The following PDE10A variants were observed in gnomAD, a reference collection of about 807,000 sequenced individuals.
PDE10A encodes cAMP and cAMP-inhibited cGMP 3',5'-cyclic phosphodiesterase 10A.
Under a neutral mutation model 97.7 loss-of-function variants are expected in PDE10A, and 39 were observed. The observed-to-expected ratio is 0.40, with a 90% confidence interval of 0.31 to 0.52. The LOEUF is 0.52. Among genes scored for constraint, PDE10A ranks in the 20% least tolerant of loss-of-function variants. PDE10A has a pLI of 0.56. For synonymous variants in PDE10A, 371 were observed against 376.8 expected (o/e 0.98, Z 0.18); for missense variants, 731 against 1,047.8 (o/e 0.70, Z 4.17).
intron 2 of PDE10A, among the ~76,000 whole-genome samples, chr6:165,497,142 AG>A (rs1185827416): frequency 6.6e-6 from 1 of 152,240 alleles, no homozygotes; most frequent in East Asian, 1.9e-4. Context: ...ATCAAAAAAA[AG>A]GAAAATCAAT....
chr6:165,782,888 T>A (rs1583081416), intron 1 of PDE10A, among the ~76,000 whole-genome samples: 1 of 152,322 alleles, frequency 6.6e-6, no homozygotes, highest in East Asian at 1.9e-4. Flanking sequence ...TGTGATTTTT[T>A]AAATGCTGCT....
intron 3 of PDE10A, among the ~76,000 whole-genome samples, chr6:165,463,750 A>G (rs1179199299): frequency 6.6e-6 from 1 of 152,226 alleles, no homozygotes; most frequent in African/African-American, 2.4e-5. Flanking sequence ...GCACTGTGAC[A>G]TGTTCATGGC....
At chr6:165,891,897 A>G (rs1180126054) in intron 1 of PDE10A, among the ~76,000 whole-genome samples, 1 of 151,534 alleles carries the variant, frequency 6.6e-6, no homozygotes, top group Non-Finnish European at 1.5e-5. Flanking sequence ...CACCCCCATA[A>G]TCACAAACTC....
intron 1 of PDE10A, among the ~76,000 whole-genome samples, chr6:165,689,195 C>T (rs1292091951): frequency 1.3e-5 from 2 of 152,102 alleles, no homozygotes; most frequent in African/African-American, 2.4e-5. Context: ...GTCACATAAC[C>T]GTTGTGGGGT....
chr6:165,719,529 T>C (rs1792111806), intron 1 of PDE10A, among the ~76,000 whole-genome samples: 1 of 152,194 alleles, frequency 6.6e-6, no homozygotes, highest in African/African-American at 2.4e-5. Flanking sequence ...ATTTTCAATC[T>C]AGTCTTAACA....
intron 1 of PDE10A, among the ~76,000 whole-genome samples, chr6:165,960,339 T>C (rs1433780491): frequency 6.6e-6 from 1 of 152,042 alleles, no homozygotes; most frequent in African/African-American, 2.4e-5. Flanking sequence ...GGTAAAGACG[T>C]GGAAAAAGCT....
At chr6:165,578,421 G>A (rs1583576730) in intron 1 of PDE10A, among the ~76,000 whole-genome samples, 2 of 152,090 alleles carry the variant, frequency 1.3e-5, no homozygotes, top group East Asian at 3.9e-4. Context: ...CAACATGGTA[G>A]GGGCAAAGTC....
At chr6:165,568,068 G>A (rs1490014839) in intron 1 of PDE10A, among the ~76,000 whole-genome samples, 2 of 127,290 alleles carry the variant, frequency 1.6e-5, no homozygotes, top group Non-Finnish European at 3.1e-5. Context: ...GCACAATCTT[G>A]GCTCACTGCA....
intron 1 of PDE10A, among the ~76,000 whole-genome samples, chr6:165,839,713 C>T (rs571978287): frequency 3.3e-5 from 1 of 29,988 alleles, no homozygotes; most frequent in East Asian, 9.6e-4. Context: ...CTATCTTCAT[C>T]CTCATCTCCA....
At chr6:165,765,613 C>T (rs1455590606) in intron 1 of PDE10A, among the ~76,000 whole-genome samples, 1 of 152,210 alleles carries the variant, frequency 6.6e-6, no homozygotes, top group Non-Finnish European at 1.5e-5. Context: ...CCACCTGGAA[C>T]TCCAGCTGGC....
chr6:165,905,124 G>A (rs1782225159), intron 1 of PDE10A, among the ~76,000 whole-genome samples: 1 of 152,148 alleles, frequency 6.6e-6, no homozygotes, highest in African/African-American at 2.4e-5. Context: ...TTGTAAAGAA[G>A]TGTTATGCAG....
chr6:165,482,452 C>T (rs1779661118), intron 2 of PDE10A, 109 bp from the exon 3 acceptor site: 12 of 795,362 alleles, frequency 1.5e-5, no homozygotes, highest in Non-Finnish European at 2.5e-5. Flanking sequence ...TTTTGCAATG[C>T]TTCCTCTTAC....
chr6:165,793,805 G>A (rs943460061), intron 1 of PDE10A, among the ~76,000 whole-genome samples: 1 of 152,166 alleles, frequency 6.6e-6, no homozygotes, highest in Non-Finnish European at 1.5e-5. Context: ...AAAGATTTCT[G>A]CATCAAAATT....
chr6:165,659,687 G>C (rs1393420163), intron 1 of PDE10A, among the ~76,000 whole-genome samples: 1 of 151,740 alleles, frequency 6.6e-6, no homozygotes, highest in Admixed American at 6.6e-5. Context: ...TGGGGCGAGG[G>C]GGCCTTTCTT....
intron 1 of PDE10A, among the ~76,000 whole-genome samples, chr6:165,957,216 C>G (rs912260935): frequency 1.3e-5 from 2 of 152,130 alleles, no homozygotes; most frequent in African/African-American, 4.8e-5. Flanking sequence ...CCAGTGGGCT[C>G]GTGACTATAA....
intron 18 of PDE10A, among the ~76,000 whole-genome samples, chr6:165,359,043 T>C (rs1236092511): frequency 3.3e-5 from 5 of 152,044 alleles, no homozygotes; most frequent in African/African-American, 1.2e-4. Context: ...TAATTCTACA[T>C]AGTCTCATCC....
intron 3 of PDE10A, among the ~76,000 whole-genome samples, chr6:165,477,951 T>C (rs1458924484): frequency 6.6e-6 from 1 of 152,076 alleles, no homozygotes; most frequent in Non-Finnish European, 1.5e-5. Context: ...ACAAGTGGAG[T>C]GTCCAGTTTA....
At chr6:165,461,749 T>C (rs1365886764) in intron 3 of PDE10A, among the ~76,000 whole-genome samples, 1 of 152,228 alleles carries the variant, frequency 6.6e-6, no homozygotes, top group African/African-American at 2.4e-5. Flanking sequence ...TAATGCAATA[T>C]CTAATGCTAG....
At chr6:165,341,323 C>T (rs1781955248) in intron 19 of PDE10A, among the ~76,000 whole-genome samples, 2 of 152,320 alleles carry the variant, frequency 1.3e-5, no homozygotes, top group South Asian at 4.1e-4. Flanking sequence ...ATATTGGTCA[C>T]ATTTTGGCAT....
Sources: allele counts gnomAD v4.1 joint callset (sites outside exome capture counted in the v4.1 genomes callset), GRCh38; gene constraint gnomAD v4.1.1; transcripts MANE v1.5; gene names NCBI Gene and HGNC (gene_info 2026-07-23, HGNC 2026-07-21).